The following CDH12 variants were observed in gnomAD, a reference collection of about 807,000 sequenced individuals.
The protein encoded by CDH12 is cadherin 12.
A neutral mutation model predicts 74.1 loss-of-function variants in CDH12; 41 were observed. That is an observed-to-expected ratio of 0.55 (90% CI 0.43 to 0.72). CDH12 has a LOEUF of 0.72. CDH12 is among the 30% of genes least tolerant of loss of function. The pLI is 0.00. For missense variants in CDH12, 945 were observed against 977.2 expected (o/e 0.97, Z 0.44); for synonymous variants, 399 against 355.0 (o/e 1.12, Z -1.39).
intron 1 of CDH12, among the ~76,000 whole-genome samples, chr5:22,675,290 C>T (rs765011535): frequency 7.2e-5 from 11 of 152,166 alleles, no homozygotes; most frequent in Non-Finnish European, 1.3e-4. Context: ...TGGGCTGTTG[C>T]TTCAGAGGGT....
intron 2 of CDH12, among the ~76,000 whole-genome samples, chr5:22,459,481 T>C (rs76232511): frequency 6.6e-6 from 1 of 152,154 alleles, no homozygotes; most frequent in African/African-American, 2.4e-5. Flanking sequence ...GACAAGAGTA[T>C]GTCAAAGAAA....
intron 6 of CDH12, among the ~76,000 whole-genome samples, chr5:21,929,530 T>C (rs1456712615): frequency 6.6e-6 from 1 of 152,052 alleles, no homozygotes; most frequent in African/African-American, 2.4e-5. Flanking sequence ...CAGGTGGTAA[T>C]GCAAGTTACC....
Position 22,700,673 on chromosome 5 carries a change from C to T in CDH12, c.-523+152385G>A, listed in dbSNP as rs75569349. ...TACACTGGTTGTCTTACTAAACCACCTTCTTACTATCCTAAGGAGAGAGTC... is the reference window on the plus strand; with the variant it reads ...TACACTGGTTGTCTTACTAAACCACTTTCTTACTATCCTAAGGAGAGAGTC... On this transcript the variant is annotated intron_variant, in intron 1 of 14. Transcript: ENST00000382254. Among the ~76,000 whole-genome samples, 21 of 152,290 alleles carry T rather than the reference C, an allele frequency of 1.4e-4. No individual in the cohort carries two copies. The East Asian group carries it at 3.9e-3, about 28-fold the overall frequency.
chr5:22,267,245 C>A (rs1245848132), intron 3 of CDH12, among the ~76,000 whole-genome samples: 1 of 152,148 alleles, frequency 6.6e-6, no homozygotes, highest in Admixed American at 6.5e-5. Flanking sequence ...GGAGAATCTA[C>A]TTGAATAATT....
intron 1 of CDH12, among the ~76,000 whole-genome samples, chr5:22,515,670 ATT>A (rs1212294674): frequency 3.9e-5 from 6 of 152,094 alleles, no homozygotes; most frequent in African/African-American, 1.4e-4. Flanking sequence ...ATCATAGACT[ATT>A]TGATATGTAG....
At position 21,975,474 on chromosome 5, in the gene CDH12, A is replaced by G. The variant is rs1757030511; in HGVS notation, c.232-89T>C. The G allele has an allele frequency of 7.3e-6, 6 of 825,584 alleles. No homozygotes were observed. The South Asian group carries it at 7.7e-5, about 11-fold the overall frequency. The allele number at this position is 825,584 out of a possible 1,614,324, so 51.1% of individuals were successfully genotyped here. A position where few individuals can be genotyped will look rare whatever the true frequency, so the allele number is the denominator to read the frequency against. On this transcript the variant is annotated intron_variant, in intron 5 of 14. Coordinates refer to ENST00000382254, the MANE Select transcript of CDH12 (RefSeq NM_004061.5). ...AAAGGATGTGCCAAATTAAAAAGTCATAATTTGCAATACAATTCCTTTAAT... is the reference window on the plus strand; with the variant it reads ...AAAGGATGTGCCAAATTAAAAAGTCGTAATTTGCAATACAATTCCTTTAAT...
chr5:22,169,568 T>C (rs1748895480), intron 4 of CDH12, among the ~76,000 whole-genome samples: 1 of 151,936 alleles, frequency 6.6e-6, no homozygotes, highest in South Asian at 2.1e-4. Context: ...ACTTGAAAGA[T>C]AAAATAATTT....
At chr5:21,814,993 G>T (rs1246879488) in intron 9 of CDH12, among the ~76,000 whole-genome samples, 1 of 151,958 alleles carries the variant, frequency 6.6e-6, no homozygotes, top group Non-Finnish European at 1.5e-5. Flanking sequence ...ACTGTACTTT[G>T]CAAATTTAAC....
chr5:22,117,046 G>T (rs1388657115), intron 4 of CDH12, among the ~76,000 whole-genome samples: 1 of 151,340 alleles, frequency 6.6e-6, no homozygotes, highest in Non-Finnish European at 1.5e-5. Flanking sequence ...ACAAATAGGG[G>T]TTATAAAGTC....
chr5:22,797,941 C>A (rs1748314031), intron 1 of CDH12, among the ~76,000 whole-genome samples: 2 of 152,074 alleles, frequency 1.3e-5, no homozygotes, highest in South Asian at 4.2e-4. Flanking sequence ...TGGTACAGTA[C>A]CATAGTTACT....
chr5:22,250,189 G>T (rs541437712), intron 3 of CDH12, among the ~76,000 whole-genome samples: 3 of 127,664 alleles, frequency 2.3e-5, no homozygotes, highest in Non-Finnish European at 5.2e-5. Context: ...AAAAAGAAAA[G>T]AATATATATA....
chr5:22,480,299 G>C (rs1746334495), intron 2 of CDH12, among the ~76,000 whole-genome samples: 1 of 151,520 alleles, frequency 6.6e-6, no homozygotes, highest in Non-Finnish European at 1.5e-5. Context: ...AATACACTTA[G>C]AGGTGGAGTG....
chr5:22,305,580 A>C (rs552944467), intron 3 of CDH12, among the ~76,000 whole-genome samples: 10 of 152,050 alleles, frequency 6.6e-5, no homozygotes, highest in African/African-American at 2.2e-4. Context: ...GGGCCATTGT[A>C]TCTCCTCTAT....
intron 3 of CDH12, among the ~76,000 whole-genome samples, chr5:22,368,588 C>G (rs569188799): frequency 2.0e-4 from 30 of 151,894 alleles, no homozygotes; most frequent in African/African-American, 7.2e-4. Flanking sequence ...GTAATAACCG[C>G]TGGTTAATAA....
intron 1 of CDH12, among the ~76,000 whole-genome samples, chr5:22,743,637 T>A (rs1184707204): frequency 6.6e-6 from 1 of 152,160 alleles, no homozygotes; most frequent in Non-Finnish European, 1.5e-5. Flanking sequence ...TACTTATAGT[T>A]CCCAGGAGTT....
intron 3 of CDH12, among the ~76,000 whole-genome samples, chr5:22,356,000 C>T (rs1212180317): frequency 6.6e-6 from 1 of 152,058 alleles, no homozygotes; most frequent in African/African-American, 2.4e-5. Flanking sequence ...GTTAAGTAAG[C>T]AAATCATCCA....
At chr5:21,999,755 T>C (rs1736499099) in intron 5 of CDH12, among the ~76,000 whole-genome samples, 1 of 151,376 alleles carries the variant, frequency 6.6e-6, no homozygotes, top group Non-Finnish European at 1.5e-5. Context: ...AGTGAAGTTT[T>C]ATTTTTTAGA....
chr5:22,387,290 A>C, intron 3 of CDH12, among the ~76,000 whole-genome samples: 1 of 152,206 alleles, frequency 6.6e-6, no homozygotes, highest in Middle Eastern at 3.4e-3. Flanking sequence ...TTTTAAATTT[A>C]AAAAAATGTA....
At chr5:22,746,120 C>A (rs1271709707) in intron 1 of CDH12, among the ~76,000 whole-genome samples, 2 of 151,916 alleles carry the variant, frequency 1.3e-5, no homozygotes, top group Non-Finnish European at 2.9e-5. Flanking sequence ...ATTAATTTCT[C>A]CAAAGTATTA....
Sources: gnomAD v4.1 joint callset for allele counts (sites outside exome capture counted in the v4.1 genomes callset) on GRCh38, gnomAD v4.1.1 for gene constraint, MANE v1.5 for transcripts, NCBI Gene and HGNC (gene_info 2026-07-23, HGNC 2026-07-21) for gene names.